The following SH3GL2 variants were observed in gnomAD, a reference collection of about 807,000 sequenced individuals.
SH3GL2 encodes endophilin-A1.
SH3GL2 carries 24 observed loss-of-function variants against 46.0 expected under a neutral mutation model. The observed-to-expected ratio is 0.52, with a 90% CI of 0.38 to 0.73. The LOEUF is 0.73. Among genes scored for constraint, SH3GL2 ranks in the 30% least tolerant of loss-of-function variants. SH3GL2 has a pLI of 0.00. For synonymous variants in SH3GL2, 196 were observed against 147.1 expected, an observed-to-expected ratio of 1.33 and a Z score of -2.40; for missense variants, 413 against 424.2, an observed-to-expected ratio of 0.97 and a Z score of 0.23.
At chr9:17,789,362 A>G in intron 5 of SH3GL2, 30 bp from the exon 6 acceptor site, 1 of 1,605,250 alleles carries the variant, frequency 6.2e-7, no homozygotes, top group South Asian at 1.1e-5. Flanking sequence ...AAGCCCTTTC[A>G]AAGCCTATTC....
At chr9:17,683,051 C>T (rs1820814750) in intron 1 of SH3GL2, among the ~76,000 whole-genome samples, 1 of 152,000 alleles carries the variant, frequency 6.6e-6, no homozygotes, top group African/African-American at 2.4e-5. Flanking sequence ...AACTAACTAG[C>T]CTGAAATCTA....
At chr9:17,757,973 C>T (rs977233541) in intron 2 of SH3GL2, among the ~76,000 whole-genome samples, 1 of 152,082 alleles carries the variant, frequency 6.6e-6, no homozygotes, top group Non-Finnish European at 1.5e-5. Flanking sequence ...GAGTCCTGGG[C>T]ATTATTATGG....
At chr9:17,692,029 T>C (rs1821091512) in intron 1 of SH3GL2, among the ~76,000 whole-genome samples, 1 of 152,152 alleles carries the variant, frequency 6.6e-6, no homozygotes, top group Non-Finnish European at 1.5e-5. Context: ...CTTTCATATG[T>C]GTGGCATGAC....
chr9:17,588,474 A>T (rs930896138), intron 1 of SH3GL2, among the ~76,000 whole-genome samples: 2 of 152,182 alleles, frequency 1.3e-5, no homozygotes, highest in South Asian at 4.1e-4. Flanking sequence ...TGGAAGGAAA[A>T]ATCAGAGAGA....
intron 1 of SH3GL2, among the ~76,000 whole-genome samples, chr9:17,674,353 GC>G (rs1284414829): frequency 2.0e-5 from 3 of 152,064 alleles, no homozygotes; most frequent in Non-Finnish European, 1.5e-5. Flanking sequence ...TGAAACCTCC[GC>G]CTCACGAGTT....
At chr9:17,760,123 CAATCTT>C (rs1270491295) in intron 2 of SH3GL2, among the ~76,000 whole-genome samples, 1 of 152,140 alleles carries the variant, frequency 6.6e-6, no homozygotes, top group East Asian at 1.9e-4. Context: ...GGTACACACT[CAATCTT>C]AAAGATCTTT....
intron 2 of SH3GL2, among the ~76,000 whole-genome samples, chr9:17,751,064 G>C (rs1407658899): frequency 6.6e-6 from 1 of 152,176 alleles, no homozygotes; most frequent in African/African-American, 2.4e-5. Flanking sequence ...GAGGAATATA[G>C]TATCTGTTTT....
At chr9:17,716,141 T>A (rs901537223) in intron 1 of SH3GL2, among the ~76,000 whole-genome samples, 1 of 152,128 alleles carries the variant, frequency 6.6e-6, no homozygotes, top group Non-Finnish European at 1.5e-5. Context: ...TATTTTAATA[T>A]CCTTGTCAAA....
intron 1 of SH3GL2, among the ~76,000 whole-genome samples, chr9:17,592,152 C>T (rs1818496378): frequency 1.3e-5 from 2 of 152,158 alleles, no homozygotes; most frequent in Admixed American, 6.6e-5. Flanking sequence ...TAAGCCCCAA[C>T]CCCAAAGTCT....
chr9:17,718,765 A>C (rs1821823300), intron 1 of SH3GL2, among the ~76,000 whole-genome samples: 1 of 152,010 alleles, frequency 6.6e-6, no homozygotes, highest in Non-Finnish European at 1.5e-5. Context: ...CCACCTCCAA[A>C]TATTCTTATT....
At chr9:17,683,198 G>A (rs1428185996) in intron 1 of SH3GL2, among the ~76,000 whole-genome samples, 1 of 152,096 alleles carries the variant, frequency 6.6e-6, no homozygotes, top group African/African-American at 2.4e-5. Flanking sequence ...ATGTATCTCA[G>A]CATGGGACCT....
At chr9:17,757,790 C>A (rs1000174837) in intron 2 of SH3GL2, among the ~76,000 whole-genome samples, 7 of 152,160 alleles carry the variant, frequency 4.6e-5, no homozygotes, top group African/African-American at 1.7e-4. Flanking sequence ...AAGTGGAAAT[C>A]TTCTTTATGC....
chr9:17,720,096 A>T (rs1821857486), intron 1 of SH3GL2, among the ~76,000 whole-genome samples: 1 of 152,056 alleles, frequency 6.6e-6, no homozygotes, highest in African/African-American at 2.4e-5. Flanking sequence ...AGGAAGAAAG[A>T]TGTTTACTTT....
At chr9:17,640,784 C>T (rs976752872) in intron 1 of SH3GL2, among the ~76,000 whole-genome samples, 1 of 152,124 alleles carries the variant, frequency 6.6e-6, no homozygotes, top group African/African-American at 2.4e-5. Flanking sequence ...TTACTATGTC[C>T]TTGAAATGGA....
At chr9:17,755,898 A>C in intron 2 of SH3GL2, 3 of 329,208 alleles carry the variant, frequency 9.1e-6, no homozygotes, top group Non-Finnish European at 4.3e-6. Context: ...TCTATTCTTT[A>C]GTATCTTGTC....
At chr9:17,740,256 C>T (rs1822486478) in intron 1 of SH3GL2, among the ~76,000 whole-genome samples, 2 of 151,994 alleles carry the variant, frequency 1.3e-5, no homozygotes, top group Non-Finnish European at 2.9e-5. Flanking sequence ...ATTTTCAAAA[C>T]ATCATGGCAT....
intron 3 of SH3GL2, among the ~76,000 whole-genome samples, chr9:17,776,576 G>A (rs1823646046): frequency 6.6e-6 from 1 of 151,844 alleles, no homozygotes; most frequent in Non-Finnish European, 1.5e-5. Context: ...GAGATTATCA[G>A]GAACATTGTA....
At chr9:17,598,388 T>G (rs1230622371) in intron 1 of SH3GL2, among the ~76,000 whole-genome samples, 3 of 152,210 alleles carry the variant, frequency 2.0e-5, no homozygotes, top group Non-Finnish European at 4.4e-5. Flanking sequence ...TATGATATGA[T>G]TTTACATCAT....
intron 1 of SH3GL2, among the ~76,000 whole-genome samples, chr9:17,730,259 G>T (rs538397587): frequency 6.6e-6 from 1 of 152,140 alleles, no homozygotes; most frequent in Non-Finnish European, 1.5e-5. Context: ...TGGGCTCACT[G>T]TCTATTATTG....
Sources: gnomAD v4.1 joint callset for allele counts (sites outside exome capture counted in the v4.1 genomes callset) on GRCh38, gnomAD v4.1.1 for gene constraint, MANE v1.5 for transcripts, NCBI Gene and HGNC (gene_info 2026-07-23, HGNC 2026-07-21) for gene names.